Variants in GNG4 observed in about 807,000 individuals in gnomAD.
GNG4 encodes G protein subunit gamma 4.
A neutral mutation model predicts 5.8 loss-of-function variants in GNG4; 4 were observed. The observed-to-expected ratio is 0.69, with a 90% CI of 0.34 to 1.57. The LOEUF (loss-of-function observed/expected upper bound fraction) is 1.57, where lower values mean the gene tolerates loss of function less well. Among genes scored for constraint, GNG4 ranks in the 40% most tolerant of loss-of-function variants. The pLI is 0.06. For missense variants in GNG4, 96 were observed against 95.1 expected (o/e 1.01, Z -0.04); for synonymous variants, 29 against 32.9 (o/e 0.88, Z 0.41).
At chr1:235,598,595 A>G (rs901287400) in intron 1 of GNG4, among the ~76,000 whole-genome samples, 2 of 151,962 alleles carry the variant, frequency 1.3e-5, no homozygotes, top group Non-Finnish European at 2.9e-5. Flanking sequence ...GGCAACAGAG[A>G]CCCTTTCTCA....
chr1:235,580,964 C>G (rs898891347), intron 3 of GNG4, among the ~76,000 whole-genome samples: 2 of 152,020 alleles, frequency 1.3e-5, no homozygotes, highest in Non-Finnish European at 2.9e-5. Context: ...GTTGGCTAGG[C>G]TAGTCTCGAA....
intron 3 of GNG4, among the ~76,000 whole-genome samples, chr1:235,577,658 C>A (rs1687520886): frequency 7.8e-6 from 1 of 128,874 alleles, no homozygotes; most frequent in Admixed American, 8.6e-5. Context: ...TCAGGCTGGT[C>A]TCAAACTCCT....
chr1:235,586,436 G>A (rs1196590186), intron 2 of GNG4, among the ~76,000 whole-genome samples: 1 of 152,144 alleles, frequency 6.6e-6, no homozygotes, highest in African/African-American at 2.4e-5. Flanking sequence ...ACAAAATGAG[G>A]GAGGAGACAC....
At chr1:235,565,458 C>T (rs538178031) in intron 3 of GNG4, among the ~76,000 whole-genome samples, 2 of 152,242 alleles carry the variant, frequency 1.3e-5, no homozygotes, top group East Asian at 3.9e-4. Context: ...GAGCCGAGAT[C>T]GTGCCACTGC....
At chr1:235,587,105 CTGTG>C (rs1687776770) in intron 2 of GNG4, among the ~76,000 whole-genome samples, 1 of 150,024 alleles carries the variant, frequency 6.7e-6, no homozygotes, top group Non-Finnish European at 1.5e-5. Flanking sequence ...GGGCTCTGCA[CTGTG>C]TGTGAGGGAG....
chr1:235,570,698 C>G (rs1397415519), intron 3 of GNG4, among the ~76,000 whole-genome samples: 2 of 151,522 alleles, frequency 1.3e-5, no homozygotes, highest in Non-Finnish European at 2.9e-5. Context: ...CGCACCCAGT[C>G]TAAATAAATT....
intron 3 of GNG4, among the ~76,000 whole-genome samples, chr1:235,561,872 AAAACTCTTTGCC>A (rs1376389729): frequency 6.6e-6 from 1 of 152,208 alleles, no homozygotes; most frequent in East Asian, 1.9e-4. Flanking sequence ...GTTGTATCTA[AAAACTCTTTGCC>A]AAACCCAAGG....
chr1:235,571,769 G>A lies in GNG4; in HGVS notation c.99+11971C>T, dbSNP rs562189957. Among the ~76,000 whole-genome samples the A allele has an allele frequency of 2.6e-5, 4 of 152,208 alleles. No individual in the cohort carries two copies. In the East Asian group the frequency reaches 7.7e-4, roughly 29 times the overall value. ...ATGGTCTATCCTATTACACAATAGGGTATAGCCTATAGATTACAGGGTATA... is the reference window on the plus strand; with the variant it reads ...ATGGTCTATCCTATTACACAATAGGATATAGCCTATAGATTACAGGGTATA... On this transcript the variant is annotated intron_variant, in intron 3 of 3. Coordinates refer to ENST00000391854, the MANE Select transcript of GNG4 (RefSeq NM_001098722.2).
intron 2 of GNG4, among the ~76,000 whole-genome samples, chr1:235,592,424 G>C (rs1161190277): frequency 6.6e-6 from 1 of 152,110 alleles, no homozygotes; most frequent in African/African-American, 2.4e-5. Flanking sequence ...CAGGAGAATT[G>C]CTTGAACCTG....
chr1:235,634,722 C>G (rs1688999125), intron 1 of GNG4, among the ~76,000 whole-genome samples: 1 of 152,150 alleles, frequency 6.6e-6, no homozygotes, highest in Admixed American at 6.5e-5. Context: ...GCGGGTGGAT[C>G]ACCTGAGGTT....
At chr1:235,561,856 T>C (rs888750664) in intron 3 of GNG4, among the ~76,000 whole-genome samples, 2 of 152,242 alleles carry the variant, frequency 1.3e-5, no homozygotes, top group African/African-American at 4.8e-5. Flanking sequence ...GGATTGTGCT[T>C]TTGCTGTTGT....
chr1:235,628,347 C>T (rs1688860422), intron 1 of GNG4, among the ~76,000 whole-genome samples: 1 of 151,718 alleles, frequency 6.6e-6, no homozygotes. Flanking sequence ...AGAGCATTGC[C>T]TGCAGGACCG....
chr1:235,555,828 C>CT (rs953053184), intron 3 of GNG4, among the ~76,000 whole-genome samples: 2 of 151,992 alleles, frequency 1.3e-5, no homozygotes, highest in Non-Finnish European at 2.9e-5. Flanking sequence ...ACCTCACATA[C>CT]TTTTTTTGTG....
chr1:235,612,480 C>CGTCA (rs1688500498), intron 1 of GNG4, among the ~76,000 whole-genome samples: 1 of 152,106 alleles, frequency 6.6e-6, no homozygotes, highest in African/African-American at 2.4e-5. Context: ...CTTTCACAAG[C>CGTCA]GTCACTGTCT....
chr1:235,589,721 C>G (rs1687915369), intron 2 of GNG4, among the ~76,000 whole-genome samples: 1 of 152,202 alleles, frequency 6.6e-6, no homozygotes. Context: ...GGAGAAAGCT[C>G]TGTCTTTGGC....
chr1:235,647,225 C>T (rs1258943648), intron 1 of GNG4, among the ~76,000 whole-genome samples: 1 of 151,898 alleles, frequency 6.6e-6, no homozygotes, highest in Non-Finnish European at 1.5e-5. Flanking sequence ...CTAAGTATAT[C>T]TAGAATGAAT....
intron 2 of GNG4, among the ~76,000 whole-genome samples, chr1:235,591,367 A>C (rs1687957249): frequency 1.3e-5 from 2 of 152,132 alleles, no homozygotes; most frequent in Admixed American, 1.3e-4. Flanking sequence ...CCCTTCCCTG[A>C]GGTGGGCAAA....
rs79823076 is a variant in GNG4, at chr1:235,644,156, G to A, written c.-123+5506C>T. On this transcript the variant is annotated intron_variant, in intron 1 of 3. Coordinates refer to ENST00000391854, the MANE Select transcript of GNG4 (RefSeq NM_001098722.2). This position sits in a 1 kb window ranked among gnomAD's most constrained non-coding sequence, Gnocchi z 5.9. ...AGACAGGGCTGGGTGGCGGGAACGCGGGCACCCAGAGGTCCAGATCAGCAA... is the reference window on the plus strand; with the variant it reads ...AGACAGGGCTGGGTGGCGGGAACGCAGGCACCCAGAGGTCCAGATCAGCAA... Among the ~76,000 whole-genome samples the A allele has an allele frequency of 2.2e-4, 33 of 152,264 alleles. 1 individual carries two copies. Among genetic ancestry groups the A allele is most frequent in the African/African-American group, 7.7e-4 (32 of 41,566 alleles).
chr1:235,560,672 G>A (rs2102916701), intron 3 of GNG4, among the ~76,000 whole-genome samples: 1 of 152,278 alleles, frequency 6.6e-6, no homozygotes, highest in South Asian at 2.1e-4. Flanking sequence ...TAGGGCATTG[G>A]ATGCCCACAA....
Sources: gnomAD v4.1 joint callset for allele counts (sites outside exome capture counted in the v4.1 genomes callset) on GRCh38, gnomAD v4.1.1 for gene constraint, Gnocchi (gnomAD v3.1) non-coding constraint, MANE v1.5 for transcripts, NCBI Gene and HGNC (gene_info 2026-07-23, HGNC 2026-07-21) for gene names.